The following HYCC2 variants were observed in gnomAD, a reference collection of about 807,000 sequenced individuals.
HYCC2 encodes the protein hyccin 2.
chr2:201,016,870 G>T, the HYCC2 span: 7 of 963,182 alleles, frequency 7.3e-6, no homozygotes, highest in African/African-American at 1.0e-4. Flanking sequence ...AAAAATGCTG[G>T]GATTACAGGC....
chr2:201,070,964 TC>T, the HYCC2 span, among the ~76,000 whole-genome samples: 1 of 152,120 alleles, frequency 6.6e-6, no homozygotes, highest in Non-Finnish European at 1.5e-5. Flanking sequence ...GACTACTCTA[TC>T]CTCCATGCTA....
the HYCC2 span, among the ~76,000 whole-genome samples, chr2:200,984,751 G>A: frequency 6.6e-6 from 1 of 152,080 alleles, no homozygotes; most frequent in Admixed American, 6.6e-5. Context: ...AGATGTGATG[G>A]CACCCACCTA....
At chr2:200,982,696 C>T in the HYCC2 span, among the ~76,000 whole-genome samples, 2 of 152,254 alleles carry the variant, frequency 1.3e-5, no homozygotes, top group East Asian at 3.9e-4. Context: ...GTCATAATCA[C>T]AAAATACGAT....
At chr2:200,981,381 T>C in the HYCC2 span, 1 of 1,614,184 alleles carries the variant, frequency 6.2e-7, no homozygotes, top group East Asian at 2.2e-5. This position sits in a 1 kb window ranked among gnomAD's most constrained non-coding sequence, Gnocchi z 4.5. Flanking sequence ...CTAGCCGGTC[T>C]TCCTGCAGAC....
At chr2:201,016,586 T>C in the HYCC2 span, among the ~76,000 whole-genome samples, 1 of 152,008 alleles carries the variant, frequency 6.6e-6, no homozygotes, top group East Asian at 1.9e-4. Flanking sequence ...CGGCCTCAAT[T>C]TATTTATTAT....
At chr2:201,064,496 T>C in the HYCC2 span, among the ~76,000 whole-genome samples, 21 of 152,326 alleles carry the variant, frequency 1.4e-4, no homozygotes, top group South Asian at 1.9e-3. Flanking sequence ...GGAATTTATA[T>C]ACAACCTGCT....
At chr2:200,988,132 G>T in the HYCC2 span, 1 of 584,342 alleles carries the variant, frequency 1.7e-6, no homozygotes, top group Non-Finnish European at 2.7e-6. Context: ...CACATTTCTA[G>T]TGATATTTTT....
chr2:201,045,879 CATT>C, the HYCC2 span, among the ~76,000 whole-genome samples: 3 of 152,084 alleles, frequency 2.0e-5, no homozygotes, highest in Non-Finnish European at 4.4e-5. Flanking sequence ...GCCTCACTTG[CATT>C]ATTTGTAAAA....
At chr2:200,983,527 T>G in the HYCC2 span, among the ~76,000 whole-genome samples, 1 of 152,232 alleles carries the variant, frequency 6.6e-6, no homozygotes. Context: ...TAATAATCTT[T>G]AATCATCATG....
At chr2:201,039,062 C>A in the HYCC2 span, among the ~76,000 whole-genome samples, 1 of 152,162 alleles carries the variant, frequency 6.6e-6, no homozygotes, top group Admixed American at 6.5e-5. Flanking sequence ...TCTCTCCCAG[C>A]TCTGTATATG....
At chr2:201,030,085 T>TCAAAAA in the HYCC2 span, among the ~76,000 whole-genome samples, 1 of 152,014 alleles carries the variant, frequency 6.6e-6, no homozygotes, top group Non-Finnish European at 1.5e-5. Flanking sequence ...AGACCCCGTC[T>TCAAAAA]CAAAAACAAA....
At chr2:200,992,966 GT>G in the HYCC2 span, 1 of 1,613,784 alleles carries the variant, frequency 6.2e-7, no homozygotes, top group East Asian at 2.2e-5. Context: ...TCTTTCCAGT[GT>G]TTTTCATGTT....
At chr2:201,025,103 A>C in the HYCC2 span, among the ~76,000 whole-genome samples, 3 of 152,036 alleles carry the variant, frequency 2.0e-5, no homozygotes, top group Non-Finnish European at 4.4e-5. Context: ...ACAGAGTGAG[A>C]CTCTGTCTCA....
At chr2:201,063,940 A>G in the HYCC2 span, 1 of 1,597,260 alleles carries the variant, frequency 6.3e-7, no homozygotes, top group East Asian at 2.2e-5. Context: ...TTGGAGGCAG[A>G]AGCTCTGGCC....
the HYCC2 span, among the ~76,000 whole-genome samples, chr2:200,999,456 G>A: frequency 3.3e-5 from 5 of 151,494 alleles, no homozygotes; most frequent in African/African-American, 1.2e-4. Context: ...CATGATCTCG[G>A]CTCACTGCAA....
the HYCC2 span, among the ~76,000 whole-genome samples, chr2:201,051,876 A>G: frequency 6.6e-6 from 1 of 152,214 alleles, no homozygotes; most frequent in Non-Finnish European, 1.5e-5. Context: ...AAGACCATAG[A>G]GAACACCCCA....
chr2:200,980,071 T>A, the HYCC2 span: 1 of 152,574 alleles, frequency 6.6e-6, no homozygotes, highest in Non-Finnish European at 1.5e-5. Flanking sequence ...CTGGTAGAAA[T>A]GTTCTATAAA....
At chr2:201,069,112 C>A in the HYCC2 span, among the ~76,000 whole-genome samples, 1 of 152,158 alleles carries the variant, frequency 6.6e-6, no homozygotes, top group Admixed American at 6.5e-5. Context: ...ATTGGTTTTT[C>A]TATAAGACTC....
the HYCC2 span, among the ~76,000 whole-genome samples, chr2:201,042,672 G>A: frequency 6.6e-6 from 1 of 150,540 alleles, no homozygotes; most frequent in African/African-American, 2.5e-5. Context: ...GAGCGTCTCC[G>A]CCCGGCAGCC....
Sources: gnomAD v4.1 joint callset for allele counts (sites outside exome capture counted in the v4.1 genomes callset) on GRCh38, gnomAD v4.1.1 for gene constraint, Gnocchi (gnomAD v3.1) non-coding constraint, MANE v1.5 for transcripts, NCBI Gene and HGNC (gene_info 2026-07-23, HGNC 2026-07-21) for gene names.